SNTG1: variants seen among roughly 807,000 people sequenced by gnomAD.
The protein encoded by SNTG1 is gamma-1-syntrophin.
A neutral mutation model predicts 74.7 loss-of-function variants in SNTG1; 39 were observed. The observed-to-expected ratio is 0.52, with a 90% confidence interval of 0.40 to 0.68. The LOEUF is 0.68. Among genes scored for constraint, SNTG1 ranks in the 30% least tolerant of loss-of-function variants. The pLI, the probability that SNTG1 is intolerant of heterozygous loss-of-function variation, is 0.00. For missense variants in SNTG1, 685 were observed against 609.5 expected (o/e 1.12, Z -1.30); for synonymous variants, 254 against 217.1 (o/e 1.17, Z -1.49).
chr8:50,232,046 C>T (rs1343269069), intron 2 of SNTG1, among the ~76,000 whole-genome samples: 1 of 151,232 alleles, frequency 6.6e-6, no homozygotes, highest in South Asian at 2.1e-4. Context: ...CAACGTCTTC[C>T]TGAAAATGAA....
intron 1 of SNTG1, among the ~76,000 whole-genome samples, chr8:50,035,855 C>G (rs1818114954): frequency 6.6e-6 from 1 of 152,124 alleles, no homozygotes. Flanking sequence ...TGAACAAGAT[C>G]TGGGTTAAGC....
intron 2 of SNTG1, among the ~76,000 whole-genome samples, chr8:50,179,049 G>A (rs2083107245): frequency 6.6e-6 from 1 of 152,094 alleles, no homozygotes; most frequent in South Asian, 2.1e-4. Flanking sequence ...ACTCTTTTGA[G>A]TACTGATTCC....
intron 2 of SNTG1, among the ~76,000 whole-genome samples, chr8:50,275,176 C>T (rs1021313992): frequency 3.9e-5 from 6 of 151,962 alleles, no homozygotes; most frequent in Admixed American, 1.3e-4. Flanking sequence ...TGAAATCATC[C>T]AGGTCTGGTA....
intron 1 of SNTG1, among the ~76,000 whole-genome samples, chr8:49,982,393 T>G (rs1046948289): frequency 1.3e-5 from 2 of 152,100 alleles, no homozygotes; most frequent in African/African-American, 4.8e-5. Context: ...GACACAGTTC[T>G]AAACTCTGGA....
chr8:50,412,529 C>A (rs1443832448), intron 4 of SNTG1, among the ~76,000 whole-genome samples: 1 of 152,148 alleles, frequency 6.6e-6, no homozygotes, highest in African/African-American at 2.4e-5. Flanking sequence ...AGAATATGGT[C>A]TCTGGCACAT....
At chr8:50,324,019 C>T (rs1315215265) in intron 2 of SNTG1, among the ~76,000 whole-genome samples, 4 of 152,138 alleles carry the variant, frequency 2.6e-5, no homozygotes, top group African/African-American at 7.2e-5. Flanking sequence ...GCTCTAAGCC[C>T]AGCCTAGCAC....
intron 9 of SNTG1, among the ~76,000 whole-genome samples, chr8:50,527,350 T>C (rs13264299): frequency 6.6e-6 from 1 of 152,268 alleles, no homozygotes; most frequent in East Asian, 1.9e-4. Flanking sequence ...CCTTTTATTG[T>C]TTTTGTATCC....
intron 1 of SNTG1, among the ~76,000 whole-genome samples, chr8:50,147,839 T>C (rs2081925700): frequency 6.6e-6 from 1 of 152,228 alleles, no homozygotes; most frequent in Non-Finnish European, 1.5e-5. Context: ...ATAAACACAC[T>C]GCATGTGCCA....
intron 1 of SNTG1, among the ~76,000 whole-genome samples, chr8:50,020,264 C>T (rs770670884): frequency 1.3e-4 from 20 of 152,070 alleles, no homozygotes; most frequent in Non-Finnish European, 2.1e-4. Context: ...GATAACGCTT[C>T]CCTCAGTACA....
chr8:50,496,299 A>G (rs1266828526), intron 8 of SNTG1, among the ~76,000 whole-genome samples: 3 of 152,186 alleles, frequency 2.0e-5, no homozygotes, highest in Admixed American at 6.5e-5. Context: ...ACATCATATG[A>G]GGCCAGTTAA....
intron 15 of SNTG1, among the ~76,000 whole-genome samples, chr8:50,702,821 G>A (rs1563763135): frequency 6.6e-6 from 1 of 152,256 alleles, no homozygotes; most frequent in East Asian, 1.9e-4. Context: ...TTACACACCT[G>A]TATAGCATAT....
chr8:50,690,149 A>G lies in SNTG1; in HGVS notation c.1039-14451A>G, dbSNP rs529615332. On this transcript the variant is annotated intron_variant, in intron 15 of 18. Coordinates refer to ENST00000642720, the MANE Select transcript of SNTG1 (RefSeq NM_018967.5). ...TTGATTCTTCTCTTTTTTCTTCTTT[A>G]TTAGTCTTGCTAGCAGTCTATCAAT... Among the ~76,000 whole-genome samples, 9 of 151,380 alleles carry G rather than the reference A, an allele frequency of 5.9e-5. No individual in the cohort carries two copies. In the South Asian group the frequency reaches 1.5e-3, roughly 25 times the overall value.
chr8:49,911,204 G>T (rs969063805), upstream of SNTG1: 2 of 152,088 alleles, frequency 1.3e-5, no homozygotes. Context: ...TTTGAATGTG[G>T]TCCCCTTAAT....
At chr8:50,579,463 A>T (rs2130808726) in intron 12 of SNTG1, among the ~76,000 whole-genome samples, 1 of 152,214 alleles carries the variant, frequency 6.6e-6, no homozygotes, top group African/African-American at 2.4e-5. Context: ...TACCAAGACA[A>T]TGGGGAAAAT....
intron 1 of SNTG1, among the ~76,000 whole-genome samples, chr8:49,979,705 G>A (rs1210450702): frequency 2.6e-5 from 4 of 152,278 alleles, no homozygotes; most frequent in Middle Eastern, 3.4e-3. Context: ...GGCAGGACCA[G>A]GCCAGTTTGG....
intron 2 of SNTG1, among the ~76,000 whole-genome samples, chr8:50,307,446 A>AT (rs1002316888): frequency 6.6e-6 from 1 of 151,818 alleles, no homozygotes; most frequent in Non-Finnish European, 1.5e-5. Flanking sequence ...TTCTCCATTT[A>AT]TTTTTTATTT....
intron 1 of SNTG1, among the ~76,000 whole-genome samples, chr8:49,990,613 T>G (rs1813589940): frequency 6.6e-6 from 1 of 152,054 alleles, no homozygotes; most frequent in Non-Finnish European, 1.5e-5. Flanking sequence ...ATGATAGACA[T>G]AGAGGTTAAT....
At chr8:50,250,925 C>T (rs546091634) in intron 2 of SNTG1, among the ~76,000 whole-genome samples, 2 of 151,752 alleles carry the variant, frequency 1.3e-5, no homozygotes, top group South Asian at 2.1e-4. Flanking sequence ...ATAACCATAC[C>T]CAGAATTCCC....
chr8:50,512,012 G>C (rs185267308), intron 9 of SNTG1, among the ~76,000 whole-genome samples: 2 of 151,986 alleles, frequency 1.3e-5, no homozygotes, highest in African/African-American at 4.8e-5. Context: ...TCCTAGCCTC[G>C]ATGGTCTTTA....
Sources: allele counts gnomAD v4.1 joint callset (sites outside exome capture counted in the v4.1 genomes callset), GRCh38; gene constraint gnomAD v4.1.1; transcripts MANE v1.5; gene names NCBI Gene and HGNC (gene_info 2026-07-23, HGNC 2026-07-21).